The following SLFN13 variants were observed in gnomAD, a reference collection of about 807,000 sequenced individuals.
SLFN13 encodes the protein schlafen family member 13.
Under a neutral mutation model 50.6 loss-of-function variants are expected in SLFN13, and 43 were observed. That is an observed-to-expected ratio of 0.85 (90% CI 0.67 to 1.09). The LOEUF (loss-of-function observed/expected upper bound fraction) is 1.09, where lower values mean the gene tolerates loss of function less well. SLFN13 is among the 50% of genes least tolerant of loss of function. The probability of loss-of-function intolerance (pLI) is 0.00; values close to 1 mark genes in which losing one functional copy is unlikely to be tolerated. For missense variants in SLFN13, 881 were observed against 1,071.1 expected, an observed-to-expected ratio of 0.82 and a Z score of 2.48; for synonymous variants, 339 against 386.5, an observed-to-expected ratio of 0.88 and a Z score of 1.44.
In SLFN13 at chr17:35,440,648, T is replaced by C. The variant is rs556427786; in HGVS notation, c.2641A>G (p.Ile881Val). 29 of 1,614,172 alleles carry C rather than the reference T, an allele frequency of 1.8e-5. No individual in the cohort carries two copies. Among genetic ancestry groups the C allele is most frequent in the Admixed American group, 6.7e-5 (4 of 60,030 alleles). Reference sequence around the variant, plus strand: ...GCCCTGGAAGCCAGACAGATCAGAATATTGGGTAAGATAGCTGGGTCAGCT... The same window carrying C: ...GCCCTGGAAGCCAGACAGATCAGAACATTGGGTAAGATAGCTGGGTCAGCT... ...RTADPAILPN[I>V]LICLASRAKQ... Residue 881 changes from isoleucine to valine, a missense_variant, in exon 6 of 6, where the codon ATT becomes GTT. Coordinates refer to ENST00000285013, the MANE Select transcript of SLFN13 (RefSeq NM_144682.6).
In SLFN13 at chr17:35,440,778, C is replaced by T. The variant is rs1433719026; in HGVS notation, c.2511G>A (p.Gln837=). The part of the protein sequence containing the change: ...LKAMRKKMVV[Q]LSDACDMLGV... Reference sequence around the variant, plus strand: ...CCAACATATCACATGCATCACTGAGCTGCACCACCATTTTCTTCCTCATTG... The same window carrying T: ...CCAACATATCACATGCATCACTGAGTTGCACCACCATTTTCTTCCTCATTG... Residue 837 remains glutamine, a synonymous_variant, in exon 6 of 6, where the codon CAG becomes CAA. Coordinates refer to ENST00000285013, the MANE Select transcript of SLFN13 (RefSeq NM_144682.6). The T allele has an allele frequency of 6.2e-7, 1 of 1,614,098 alleles. No homozygotes were observed. Among genetic ancestry groups the T allele is most frequent in the East Asian group, 2.2e-5 (1 of 44,882 alleles).
rs1231256993 is a variant in SLFN13 at position 35,439,599 on chromosome 17, T to C, written c.*996A>G. ...TTCAAGTGATTCTCATGCTTCAGCC[T>C]CCCAAGTAGCTGGGATACAGGCATG... On this transcript the variant is annotated 3_prime_UTR_variant, in exon 6 of 6. Transcript: ENST00000285013. The C allele has an allele frequency of 6.6e-6, 1 of 152,148 alleles. No homozygotes were observed. The highest frequency in any genetic ancestry group is 1.5e-5 in the Non-Finnish European group (1 of 68,046). The allele number at this position is 152,148 out of a possible 1,614,324, so 9.4% of individuals were successfully genotyped here.
In SLFN13 at chr17:35,440,730, A is replaced by G; in HGVS notation, c.2559T>C (p.Ser853=). The G allele has an allele frequency of 6.2e-7, 1 of 1,614,140 alleles. No homozygotes were observed. Among genetic ancestry groups the G allele is most frequent in the Non-Finnish European group, 8.5e-7 (1 of 1,180,030 alleles). ...TTTCCAGGCCTGAGAATCGCCGGACACTGTCCAACACAATGTGCACACCCA... is the reference window on the plus strand; with the variant it reads ...TTTCCAGGCCTGAGAATCGCCGGACGCTGTCCAACACAATGTGCACACCCA... The part of the protein sequence containing the change: ...DMLGVHIVLD[S]VRRFSGLERS... The change falls in exon 6 of 6, where the codon AGT becomes AGC. Residue 853 remains serine (S), a synonymous_variant. Transcript: ENST00000285013.
Position 35,445,090 on chromosome 17 carries a change from A to G in SLFN13, c.591T>C (p.Thr197=), listed in dbSNP as rs148447186. 16 of 1,613,790 alleles carry G rather than the reference A, an allele frequency of 9.9e-6. No individual in the cohort carries two copies. Among genetic ancestry groups the G allele is most frequent in the African/African-American group, 9.3e-5 (7 of 74,954 alleles). ...NPAYEVFQTD[T]IEYGEILSFP... ...AAGATAGGATTTCACCATATTCAAT[A>G]GTGTCAGTTTGGAAAACTTCATATG... Residue 197 remains threonine (T), a synonymous_variant, in exon 3 of 6, where the codon ACT becomes ACC. Transcript: ENST00000285013.
rs1912837496 is a variant in SLFN13 at position 35,440,984 on chromosome 17, A to G, written c.2305T>C (p.Trp769Arg). Residue 769 changes from tryptophan to arginine, a missense_variant, in exon 6 of 6, where the codon TGG becomes CGG. This residue lies in a region of SLFN13 where 322 missense variants were observed against 327.4 expected (regional missense o/e 0.98). Transcript: ENST00000285013. ...GTGTTGCCTGGAACACCTGGAACCCATTTAGCTTCACTGAGAATTGCCAGA... is the reference window on the plus strand; with the variant it reads ...GTGTTGCCTGGAACACCTGGAACCCGTTTAGCTTCACTGAGAATTGCCAGA... ...GYLAILSEAK[W>R]VPGVPGNTKI... 1 of 1,612,872 alleles carries G rather than the reference A, an allele frequency of 6.2e-7. No homozygotes were observed. Among genetic ancestry groups the G allele is most frequent in the Non-Finnish European group, 8.5e-7 (1 of 1,180,014 alleles).
rs1912688459 is a variant in SLFN13, at chr17:35,438,031, G to A, written c.*2564C>T. 1 of 151,346 alleles carries A rather than the reference G, an allele frequency of 6.6e-6. No homozygotes were observed. Among genetic ancestry groups the A allele is most frequent in the South Asian group, 2.1e-4 (1 of 4,796 alleles). The allele number at this position is 151,346 out of a possible 1,614,324, so 9.4% of individuals were successfully genotyped here. On this transcript the variant is annotated 3_prime_UTR_variant, in exon 6 of 6. Coordinates refer to ENST00000285013, the MANE Select transcript of SLFN13 (RefSeq NM_144682.6). ...AAGGCAAGAGGATCACTTGAGCCCAGGAGTTCAGGGCTCTAGTGAACTATG... is the reference window on the plus strand; with the variant it reads ...AAGGCAAGAGGATCACTTGAGCCCAAGAGTTCAGGGCTCTAGTGAACTATG...
rs1234030849 is a variant in SLFN13, at chr17:35,445,188, G to C, written c.493C>G (p.Leu165Val). 1.9e-6 allele frequency: 3 copies of C among 1,613,488 alleles called. No homozygotes were observed. The highest frequency in any genetic ancestry group is 1.7e-6 in the Non-Finnish European group (2 of 1,179,980). ...KTKERQSKYN[L>V]INEGSPPSKI... The stretch of plus-strand genomic sequence containing the variant: ...CTAGGTGGAGACCCTTCATTAATCA[G>C]ATTATATTTGGACTGTCTTTCCTTG... The change falls in exon 3 of 6, where the codon CTG (leucine) becomes GTG (valine). Residue 165 changes from leucine to valine, a missense_variant. Transcript: ENST00000285013.
In SLFN13 at chr17:35,437,785, T is replaced by C. The variant is rs1004408040; in HGVS notation, c.*2810A>G. 1 of 57,330 alleles carries C rather than the reference T, an allele frequency of 1.7e-5. No individual in the cohort carries two copies. Among genetic ancestry groups the C allele is most frequent in the African/African-American group, 8.7e-5 (1 of 11,530 alleles). The allele number at this position is 57,330 out of a possible 1,614,324, so 3.6% of individuals were successfully genotyped here. A position where few individuals can be genotyped will look rare whatever the true frequency, so the allele number is the denominator to read the frequency against. On this transcript the variant is annotated 3_prime_UTR_variant, in exon 6 of 6. Coordinates refer to ENST00000285013, the MANE Select transcript of SLFN13 (RefSeq NM_144682.6). Reference sequence around the variant, plus strand: ...TGGGGTATATAGGAACTTTCTGTACTATGCTTGCAACTTTTCTATATGTCT... The same window carrying C: ...TGGGGTATATAGGAACTTTCTGTACCATGCTTGCAACTTTTCTATATGTCT...
At position 35,440,331 on chromosome 17, in the gene SLFN13, T is replaced by G. The variant is rs569724616; in HGVS notation, c.*264A>C. On this transcript the variant is annotated 3_prime_UTR_variant, in exon 6 of 6. Transcript: ENST00000285013. ...ACAGGTCTGCATTGTGCAGCACAGCTAAAGTTCCTTTAGAAAACCACCATC... is the reference window on the plus strand; with the variant it reads ...ACAGGTCTGCATTGTGCAGCACAGCGAAAGTTCCTTTAGAAAACCACCATC... The G allele has an allele frequency of 1.9e-6, 1 of 538,468 alleles. No homozygotes were observed. The highest frequency in any genetic ancestry group is 3.1e-5 in the East Asian group (1 of 31,870). The allele number at this position is 538,468 out of a possible 1,614,324, so 33.4% of individuals were successfully genotyped here.
intron 2 of SLFN13, 28 bp downstream of exon 2, chr17:35,447,240 T>C (rs1366919897): frequency 6.6e-6 from 1 of 152,188 alleles, no homozygotes; most frequent in African/African-American, 2.4e-5. Flanking sequence ...AAATTGAGAA[T>C]TCAGGTGAAA....
At position 35,435,400 on chromosome 17, in the gene SLFN13, A is replaced by G. The variant is rs1351742080; in HGVS notation, c.*5195T>C. On this transcript the variant is annotated 3_prime_UTR_variant, in exon 6 of 6. Transcript: ENST00000285013. ...TCACCTCAGCCTCCCAGTAGCTGGGACTACAGGCACACACCACCAAACCCA... is the reference window on the plus strand; with the variant it reads ...TCACCTCAGCCTCCCAGTAGCTGGGGCTACAGGCACACACCACCAAACCCA... 6.6e-6 allele frequency: 1 copy of G among 151,980 alleles called. No homozygotes were observed. Among genetic ancestry groups the G allele is most frequent in the South Asian group, 2.1e-4 (1 of 4,824 alleles). The allele number at this position is 151,980 out of a possible 1,614,324, so 9.4% of individuals were successfully genotyped here.
At position 35,441,954 on chromosome 17, in the gene SLFN13, T is replaced by G; in HGVS notation, c.1531A>C (p.Arg511=). 1 of 1,613,848 alleles carries G rather than the reference T, an allele frequency of 6.2e-7. No homozygotes were observed. The highest frequency in any genetic ancestry group is 2.2e-5 in the East Asian group (1 of 44,876). Residue 511 remains arginine, a synonymous_variant, in exon 5 of 6, where the codon AGG becomes CGG. Transcript: ENST00000285013. The part of the protein sequence containing the change: ...MGGYTGKVCV[R]AKVLCLSPES... Reference sequence around the variant, plus strand: ...GGACTCAGGCAGAGGACCTTGGCCCTGACACACACCTTCCCGGTGTAGCCC... The same window carrying G: ...GGACTCAGGCAGAGGACCTTGGCCCGGACACACACCTTCCCGGTGTAGCCC...
In SLFN13 at chr17:35,441,176, A is replaced by G; in HGVS notation, c.2113T>C (p.Phe705Leu). The G allele has an allele frequency of 1.2e-6, 2 of 1,614,076 alleles. No individual in the cohort carries two copies. The highest frequency in any genetic ancestry group is 2.2e-5 in the East Asian group (1 of 44,894). Reference protein sequence around the residue: ...PGVLWIFLDYFQTSHLGHSGL... With the variant: ...PGVLWIFLDYLQTSHLGHSGL... ...CTGTGACCCAAGTGACTGGTCTGAA[A>G]GTAGTCCAGAAAGATCCAGAGAACT... Residue 705 changes from phenylalanine to leucine, a missense_variant, in exon 6 of 6, where the codon TTT (phenylalanine) becomes CTT (leucine). Physicochemically the swap from Phe to Leu is conservative, Grantham distance 22 (BLOSUM62 0). This residue lies in a region of SLFN13 where 322 missense variants were observed against 327.4 expected (regional missense o/e 0.98). Coordinates refer to ENST00000285013, the MANE Select transcript of SLFN13 (RefSeq NM_144682.6).
At chr17:35,442,356 T>C (rs1197548813) in intron 4 of SLFN13, 70 bp from the exon 5 acceptor site, 3 of 1,463,034 alleles carry the variant, frequency 2.1e-6, no homozygotes, top group Non-Finnish European at 1.8e-6. Flanking sequence ...ACATGTTACA[T>C]TTAAAAGACA....
chr17:35,442,646 T>C (rs1567862488), intron 4 of SLFN13, among the ~76,000 whole-genome samples: 1 of 152,198 alleles, frequency 6.6e-6, no homozygotes, highest in Non-Finnish European at 1.5e-5. Context: ...GGTTTCCCCA[T>C]GTTGGCCAGG....
chr17:35,436,183 T>G lies in SLFN13; in HGVS notation c.*4412A>C, dbSNP rs752791507. 8 of 152,122 alleles carry G rather than the reference T, an allele frequency of 5.3e-5. No homozygotes were observed. The highest frequency in any genetic ancestry group is 7.4e-5 in the Non-Finnish European group (5 of 68,010). 9.4% of individuals were successfully genotyped at this position (152,122 alleles called of 1,614,324 possible). ...ACTGTTTCCTCTTTCTAGGAAAGCA[T>G]TTGAATAAGACTGAAATTCTCTAGG... On this transcript the variant is annotated 3_prime_UTR_variant, in exon 6 of 6. Coordinates refer to ENST00000285013, the MANE Select transcript of SLFN13 (RefSeq NM_144682.6).
At chr17:35,449,688 C>A (rs540602414), upstream of SLFN13, among the ~76,000 whole-genome samples, 6 of 152,264 alleles carry the variant, frequency 3.9e-5, no homozygotes, top group South Asian at 1.2e-3. Flanking sequence ...TCGGACAGAA[C>A]CCTGGCAGGT....
At chr17:35,442,412 T>G (rs984113372) in intron 4 of SLFN13, 126 bp from the exon 5 acceptor site, 1 of 1,129,908 alleles carries the variant, frequency 8.9e-7, no homozygotes, top group Non-Finnish European at 1.2e-6. Context: ...AAATTCCTTC[T>G]GGTGCATCTC....
At position 35,443,771 on chromosome 17, in the gene SLFN13, A is replaced by T; in HGVS notation, c.1198+18T>A. On this transcript the variant is annotated intron_variant, in intron 4 of 5. Transcript: ENST00000285013. ...AATGACTTCCTTCTCTCCTGATGTA[A>T]AAACTGGCAGTCAGTACCTGGAAAT... The T allele has an allele frequency of 6.2e-7, 1 of 1,602,054 alleles. No individual in the cohort carries two copies. The highest frequency in any genetic ancestry group is 2.2e-5 in the East Asian group (1 of 44,628).
Sources: gnomAD v4.1 joint callset for allele counts (sites outside exome capture counted in the v4.1 genomes callset) on GRCh38, gnomAD v4.1.1 for gene constraint, gnomAD v4.1.1 regional missense constraint, MANE v1.5 for transcripts, NCBI Gene and HGNC (gene_info 2026-07-23, HGNC 2026-07-21) for gene names.